The following HPSE2 variants were observed in gnomAD, a reference collection of about 807,000 sequenced individuals.
HPSE2 encodes the protein heparanase 2 (inactive).
HPSE2 carries 38 observed loss-of-function variants against 60.5 expected under a neutral mutation model. The observed-to-expected ratio is 0.63, with a 90% CI of 0.48 to 0.82. HPSE2 has a LOEUF of 0.82. Among genes scored for constraint, HPSE2 ranks in the 40% least tolerant of loss-of-function variants. The probability of loss-of-function intolerance (pLI) is 0.00; values close to 1 mark genes in which losing one functional copy is unlikely to be tolerated. For missense variants in HPSE2, 713 were observed against 740.4 expected (o/e 0.96, Z 0.43); for synonymous variants, 295 against 293.2 (o/e 1.01, Z -0.06).
chr10:98,824,270 T>C (rs1951491611), intron 3 of HPSE2, among the ~76,000 whole-genome samples: 1 of 152,140 alleles, frequency 6.6e-6, no homozygotes, highest in Admixed American at 6.5e-5. Context: ...GCGGGGGTGG[T>C]CATGGAAGGA....
chr10:98,888,139 C>A lies in HPSE2; in HGVS notation c.611-144083G>T, dbSNP rs1289787373. Among the ~76,000 whole-genome samples the A allele has an allele frequency of 3.2e-5, 4 of 123,772 alleles. No individual in the cohort carries two copies. In the South Asian group the frequency reaches 9.9e-4, roughly 30 times the overall value. 81.2% of individuals were successfully genotyped at this position (123,772 alleles called of 152,430 possible). A position where few individuals can be genotyped will look rare whatever the true frequency, so the allele number is the denominator to read the frequency against. On this transcript the variant is annotated intron_variant, in intron 3 of 11. Coordinates refer to ENST00000370552, the MANE Select transcript of HPSE2 (RefSeq NM_021828.5). ...AAAGGGATAGGTTTTAAAACAAACA[C>A]ACACACACACACACACACACACACA...
intron 9 of HPSE2, among the ~76,000 whole-genome samples, chr10:98,548,865 C>T (rs1943775454): frequency 6.6e-6 from 1 of 152,074 alleles, no homozygotes; most frequent in Non-Finnish European, 1.5e-5. Context: ...CTCACTGTGG[C>T]AGGTAAGAGG....
At chr10:98,906,902 CA>C (rs35318674) in intron 3 of HPSE2, among the ~76,000 whole-genome samples, 28,591 of 110,488 alleles carry the variant, frequency 0.26, 3,559 homozygotes, top group African/African-American at 0.45. Flanking sequence ...AACTCTGTCT[CA>C]AAAAAAAAAA....
intron 2 of HPSE2, among the ~76,000 whole-genome samples, chr10:99,184,839 G>C (rs1420120310): frequency 8.9e-5 from 7 of 78,512 alleles, no homozygotes; most frequent in Non-Finnish European, 1.9e-4. Context: ...GAGAGAGAGA[G>C]AGAGAGAGAG....
intron 3 of HPSE2, among the ~76,000 whole-genome samples, chr10:99,027,139 AT>A (rs1328540298): frequency 1.3e-5 from 2 of 152,090 alleles, no homozygotes. Context: ...AATAAATGAA[AT>A]TGAAATGAAA....
chr10:99,298,761 G>A, the HPSE2 span, among the ~76,000 whole-genome samples: 5 of 150,456 alleles, frequency 3.3e-5, no homozygotes, highest in Admixed American at 6.7e-5. Context: ...TGCAACCTCT[G>A]CCTTCCGGGT....
At chr10:98,648,255 C>G (rs1349496673) in intron 6 of HPSE2, among the ~76,000 whole-genome samples, 1 of 152,136 alleles carries the variant, frequency 6.6e-6, no homozygotes, top group African/African-American at 2.4e-5. Flanking sequence ...CTCAAATCAT[C>G]TTGATCCTAG....
intron 3 of HPSE2, among the ~76,000 whole-genome samples, chr10:99,094,999 G>T (rs1843670795): frequency 2.0e-5 from 3 of 151,992 alleles, no homozygotes; most frequent in Admixed American, 2.0e-4. Context: ...ACCAGCCTGG[G>T]CAACAAAGTG....
At chr10:98,601,118 T>C (rs1219860154) in intron 9 of HPSE2, among the ~76,000 whole-genome samples, 7 of 120,770 alleles carry the variant, frequency 5.8e-5, no homozygotes, top group African/African-American at 1.7e-4. Context: ...GGCAGTCTGC[T>C]GGCAGAATTT....
intron 7 of HPSE2, among the ~76,000 whole-genome samples, chr10:98,641,512 A>T (rs180844169): frequency 1.3e-5 from 2 of 152,158 alleles, no homozygotes; most frequent in East Asian, 3.9e-4. Flanking sequence ...GCTTGAACCC[A>T]GGAGGCAGAG....
intron 3 of HPSE2, among the ~76,000 whole-genome samples, chr10:98,872,707 ATAGCTGACTAG>A (rs1357018890): frequency 6.6e-6 from 1 of 152,130 alleles, no homozygotes; most frequent in Non-Finnish European, 1.5e-5. Flanking sequence ...GTCTCTTGCC[ATAGCTGACTAG>A]AATATCTAAG....
chr10:98,520,014 T>A (rs551815890), intron 9 of HPSE2, among the ~76,000 whole-genome samples: 2 of 152,320 alleles, frequency 1.3e-5, no homozygotes, highest in East Asian at 3.9e-4. Flanking sequence ...TTAACAAATA[T>A]GTAAAAAAAT....
intron 9 of HPSE2, among the ~76,000 whole-genome samples, chr10:98,606,919 C>T (rs1945605924): frequency 6.6e-6 from 1 of 152,048 alleles, no homozygotes; most frequent in Non-Finnish European, 1.5e-5. Context: ...ATCGTTGTGC[C>T]CTTAATGTTT....
At chr10:98,682,000 A>G (rs532044791) in intron 6 of HPSE2, among the ~76,000 whole-genome samples, 1 of 152,304 alleles carries the variant, frequency 6.6e-6, no homozygotes, top group South Asian at 2.1e-4. Context: ...CATTTAATGC[A>G]CCTAATCTAC....
At position 99,047,953 on chromosome 10, in the gene HPSE2, C is replaced by A. The variant is rs1032233776; in HGVS notation, c.610+96285G>T. On this transcript the variant is annotated intron_variant, in intron 3 of 11. Coordinates refer to ENST00000370552, the MANE Select transcript of HPSE2 (RefSeq NM_021828.5). Reference sequence around the variant, plus strand: ...GTATCGATGGTGTTAGCCCAAAGGTCCGAAAGATGTTTCCGTTTCTTTGCC... The same window carrying A: ...GTATCGATGGTGTTAGCCCAAAGGTACGAAAGATGTTTCCGTTTCTTTGCC... 10 of 737,100 alleles carry A rather than the reference C, an allele frequency of 1.4e-5. No individual in the cohort carries two copies. In the African/African-American group the frequency reaches 1.7e-4, roughly 13 times the overall value. 45.7% of individuals were successfully genotyped at this position (737,100 alleles called of 1,614,324 possible).
intron 3 of HPSE2, among the ~76,000 whole-genome samples, chr10:98,955,787 T>C (rs759184332): frequency 2.6e-5 from 4 of 151,912 alleles, no homozygotes; most frequent in Admixed American, 1.3e-4. Flanking sequence ...TAAAAAGAAA[T>C]GAGATTATGT....
chr10:98,843,722 A>G (rs951098864), intron 3 of HPSE2, among the ~76,000 whole-genome samples: 1 of 152,070 alleles, frequency 6.6e-6, no homozygotes, highest in Non-Finnish European at 1.5e-5. Flanking sequence ...CAAACAATAA[A>G]TCTTCCTTTC....
chr10:98,525,931 T>G (rs1050206123), intron 9 of HPSE2, among the ~76,000 whole-genome samples: 2 of 152,232 alleles, frequency 1.3e-5, no homozygotes, highest in Non-Finnish European at 2.9e-5. Context: ...TCCTGTATAT[T>G]AGATGCTCCT....
At chr10:98,504,707 G>C (rs542075288) in intron 9 of HPSE2, among the ~76,000 whole-genome samples, 1 of 151,104 alleles carries the variant, frequency 6.6e-6, no homozygotes, top group African/African-American at 2.4e-5. Context: ...GGAGAATGGC[G>C]TGAACCCAGG....
Sources: allele counts gnomAD v4.1 joint callset (sites outside exome capture counted in the v4.1 genomes callset), GRCh38; gene constraint gnomAD v4.1.1; transcripts MANE v1.5; gene names NCBI Gene and HGNC (gene_info 2026-07-23, HGNC 2026-07-21).